NEGR1: variants seen among roughly 807,000 people sequenced by gnomAD.
The protein encoded by NEGR1 is IgLON family member 4.
NEGR1 carries 10 observed loss-of-function variants against 40.9 expected under a neutral mutation model. That is an observed-to-expected ratio of 0.24 (90% CI 0.15 to 0.42). The LOEUF (loss-of-function observed/expected upper bound fraction) is 0.42. Ranked by LOEUF, NEGR1 falls within the 10% of genes least tolerant of loss-of-function variation. The pLI is 1.00. For synonymous variants in NEGR1, 185 were observed against 166.8 expected (o/e 1.11, Z -0.84); for missense variants, 352 against 438.9 (o/e 0.80, Z 1.77).
chr1:72,116,393 C>A (rs1649581075), intron 1 of NEGR1, among the ~76,000 whole-genome samples: 1 of 151,698 alleles, frequency 6.6e-6, no homozygotes, highest in Non-Finnish European at 1.5e-5. Flanking sequence ...CTTTGTGAAG[C>A]AGAGATCCCT....
chr1:71,992,730 A>G (rs535912223), intron 1 of NEGR1, among the ~76,000 whole-genome samples: 1 of 152,336 alleles, frequency 6.6e-6, no homozygotes, highest in African/African-American at 2.4e-5. Context: ...GAAGTTCACA[A>G]AGATGGGTGG....
At chr1:71,543,449 ATAG>A (rs1647784158) in intron 6 of NEGR1, among the ~76,000 whole-genome samples, 1 of 151,748 alleles carries the variant, frequency 6.6e-6, no homozygotes, top group South Asian at 2.1e-4. Flanking sequence ...GCAAATTGAA[ATAG>A]TAGAGTCTGA....
intron 6 of NEGR1, among the ~76,000 whole-genome samples, chr1:71,556,398 A>G (rs953812171): frequency 9.2e-5 from 14 of 151,740 alleles, no homozygotes; most frequent in Non-Finnish European, 5.9e-5. Context: ...TTAGTTAAAG[A>G]GAAAGAATTT....
chr1:72,068,288 T>A (rs149559157), intron 1 of NEGR1, among the ~76,000 whole-genome samples: 1 of 152,210 alleles, frequency 6.6e-6, no homozygotes, highest in Non-Finnish European at 1.5e-5. Context: ...CAGGATCCAA[T>A]CTGGTTGAGC....
chr1:71,810,928 G>A (rs557161102), intron 2 of NEGR1, among the ~76,000 whole-genome samples: 18 of 152,210 alleles, frequency 1.2e-4, no homozygotes, highest in South Asian at 1.0e-3. Context: ...TTATAGCAGC[G>A]CAAGAATGGA....
At chr1:71,934,331 T>C (rs950155579) in intron 2 of NEGR1, among the ~76,000 whole-genome samples, 1 of 152,140 alleles carries the variant, frequency 6.6e-6, no homozygotes, top group African/African-American at 2.4e-5. Context: ...GGAAGAGAAA[T>C]AAAATAATTT....
chr1:71,647,127 G>A (rs534322230), intron 4 of NEGR1, among the ~76,000 whole-genome samples: 1 of 151,822 alleles, frequency 6.6e-6, no homozygotes, highest in African/African-American at 2.4e-5. Context: ...TGGCCCTAAA[G>A]TGTTCAGGGC....
intron 2 of NEGR1, among the ~76,000 whole-genome samples, chr1:71,798,821 G>T (rs1267399767): frequency 6.6e-6 from 1 of 152,146 alleles, no homozygotes; most frequent in African/African-American, 2.4e-5. Context: ...GAGTAAGAGT[G>T]TTGATACCTT....
intron 2 of NEGR1, among the ~76,000 whole-genome samples, chr1:71,933,579 A>T (rs1477426263): frequency 1.3e-5 from 2 of 152,062 alleles, no homozygotes; most frequent in Non-Finnish European, 2.9e-5. Flanking sequence ...AAGCTTGAAT[A>T]ACATAAGAAA....
At chr1:72,099,722 AGC>A (rs1221256068) in intron 1 of NEGR1, among the ~76,000 whole-genome samples, 1 of 152,046 alleles carries the variant, frequency 6.6e-6, no homozygotes, top group Non-Finnish European at 1.5e-5. Flanking sequence ...TGATGTAGTT[AGC>A]ATCTAAATTG....
chr1:72,139,468 C>G (rs1294649619), intron 1 of NEGR1, among the ~76,000 whole-genome samples: 1 of 151,794 alleles, frequency 6.6e-6, no homozygotes, highest in Non-Finnish European at 1.5e-5. Context: ...TACTCAGATT[C>G]TATAGATTTT....
At chr1:71,831,336 A>C (rs753237663) in intron 2 of NEGR1, among the ~76,000 whole-genome samples, 30 of 151,928 alleles carry the variant, frequency 2.0e-4, no homozygotes, top group Non-Finnish European at 4.0e-4. Flanking sequence ...AAAATTGCAA[A>C]TAAAGGTGTT....
At chr1:71,968,910 A>G (rs1416528615) in intron 1 of NEGR1, among the ~76,000 whole-genome samples, 2 of 152,176 alleles carry the variant, frequency 1.3e-5, no homozygotes, top group African/African-American at 2.4e-5. Flanking sequence ...CCACTCTACT[A>G]TAGGGGAATG....
intron 1 of NEGR1, among the ~76,000 whole-genome samples, chr1:72,216,434 C>T (rs557167667): frequency 9.1e-5 from 13 of 142,256 alleles, no homozygotes; most frequent in East Asian, 8.0e-4. Context: ...TATATACACA[C>T]ATATATATAT....
intron 2 of NEGR1, among the ~76,000 whole-genome samples, chr1:71,876,908 T>A (rs1045488960): frequency 3.9e-5 from 6 of 152,210 alleles, no homozygotes; most frequent in Middle Eastern, 3.4e-3. Context: ...AGAATTCCCA[T>A]GCTACCTGAA....
chr1:71,431,100 A>G (rs1463187326), intron 6 of NEGR1, among the ~76,000 whole-genome samples: 1 of 143,830 alleles, frequency 7.0e-6, no homozygotes, highest in Non-Finnish European at 1.5e-5. Context: ...TTTTATGATC[A>G]TAAAAAAGGT....
intron 1 of NEGR1, among the ~76,000 whole-genome samples, chr1:72,190,356 G>C (rs1251757656): frequency 2.0e-5 from 3 of 151,454 alleles, no homozygotes; most frequent in African/African-American, 7.3e-5. Context: ...ATTGTATACA[G>C]GTATTTGTGA....
intron 1 of NEGR1, among the ~76,000 whole-genome samples, chr1:72,036,768 C>T (rs1646907365): frequency 6.6e-6 from 1 of 150,978 alleles, no homozygotes; most frequent in South Asian, 2.1e-4. Flanking sequence ...TTTAACTTTA[C>T]ATATATATAT....
At chr1:71,713,075 A>G (rs1352376782) in intron 3 of NEGR1, among the ~76,000 whole-genome samples, 2 of 152,244 alleles carry the variant, frequency 1.3e-5, no homozygotes, top group African/African-American at 2.4e-5. Flanking sequence ...AGTATATTAT[A>G]AAATGATTCC....
Sources: gnomAD v4.1 joint callset for allele counts (sites outside exome capture counted in the v4.1 genomes callset) on GRCh38, gnomAD v4.1.1 for gene constraint, MANE v1.5 for transcripts, NCBI Gene and HGNC (gene_info 2026-07-23, HGNC 2026-07-21) for gene names.